JARID2: variants seen among roughly 807,000 people sequenced by gnomAD.
JARID2 encodes jumonji and AT-rich interaction domain containing 2, also known as protein Jumonji.
A neutral mutation model predicts 125.6 loss-of-function variants in JARID2; 21 were observed. That is an observed-to-expected ratio of 0.17 (90% CI 0.12 to 0.24). The LOEUF is 0.24. Among genes scored for constraint, JARID2 ranks in the 10% least tolerant of loss-of-function variants. JARID2 has a pLI of 1.00. For synonymous variants in JARID2, 736 were observed against 661.6 expected (o/e 1.11, Z -1.73); for missense variants, 1,303 against 1,639.6 (o/e 0.79, Z 3.55).
intron 1 of JARID2, among the ~76,000 whole-genome samples, chr6:15,271,264 TCA>T (rs1183856945): frequency 1.3e-5 from 2 of 152,156 alleles, no homozygotes; most frequent in African/African-American, 4.8e-5. Context: ...TGGGTTCTAA[TCA>T]CACAAGGATC....
intron 4 of JARID2, among the ~76,000 whole-genome samples, chr6:15,467,625 T>G (rs576585159): frequency 6.6e-6 from 1 of 152,042 alleles, no homozygotes; most frequent in East Asian, 1.9e-4. Context: ...GAGGATTGCT[T>G]GAGTCCAGAA....
At chr6:15,352,183 A>T (rs1171477647) in intron 1 of JARID2, among the ~76,000 whole-genome samples, 4 of 152,072 alleles carry the variant, frequency 2.6e-5, no homozygotes, top group African/African-American at 9.7e-5. Context: ...ATTTATTGAC[A>T]TATTATTCAT....
At chr6:15,464,128 T>A (rs530217954) in intron 4 of JARID2, among the ~76,000 whole-genome samples, 7 of 152,192 alleles carry the variant, frequency 4.6e-5, no homozygotes, top group Non-Finnish European at 8.8e-5. Flanking sequence ...TACTTTGGCA[T>A]GAAATAAGAG....
At chr6:15,351,078 A>T (rs1404711691) in intron 1 of JARID2, among the ~76,000 whole-genome samples, 1 of 152,158 alleles carries the variant, frequency 6.6e-6, no homozygotes, top group Non-Finnish European at 1.5e-5. Context: ...GTATGTAATA[A>T]AATACAAATT....
At chr6:15,283,488 G>GCC (rs1265763499) in intron 1 of JARID2, among the ~76,000 whole-genome samples, 2 of 134,036 alleles carry the variant, frequency 1.5e-5, no homozygotes, top group East Asian at 2.4e-4. Context: ...CTACAGGCAT[G>GCC]CACCAGCTAC....
At position 15,409,166 on chromosome 6, in the gene JARID2, CAACT is replaced by C. The variant is rs1561842856; in HGVS notation, c.182-1054_182-1051del. Among the ~76,000 whole-genome samples, 4 of 152,258 alleles carry C rather than the reference CAACT, an allele frequency of 2.6e-5. No homozygotes were observed. The Middle Eastern group carries it at 0.014, about 518-fold the overall frequency. On this transcript the variant is annotated intron_variant, in intron 2 of 17. Coordinates refer to ENST00000341776, the MANE Select transcript of JARID2 (RefSeq NM_004973.4). ...ACTGTGTTCTACATAGTGTTTAGTA[CAACT>C]AACAGAAGTCACTTTCTGAGATACT...
chr6:15,287,143 A>G (rs1221040057), intron 1 of JARID2, among the ~76,000 whole-genome samples: 1 of 130,824 alleles, frequency 7.6e-6, no homozygotes, highest in Non-Finnish European at 1.7e-5. Context: ...AAAAGAAAAC[A>G]CAAACAAACA....
At chr6:15,444,081 T>C (rs1213233669) in intron 3 of JARID2, among the ~76,000 whole-genome samples, 1 of 152,214 alleles carries the variant, frequency 6.6e-6, no homozygotes, top group Non-Finnish European at 1.5e-5. Context: ...TCAGTTTATG[T>C]GTAAAGCAAG....
rs1372993256 is a variant in JARID2 at position 15,444,110 on chromosome 6, C to T, written c.324-7896C>T. Among the ~76,000 whole-genome samples, 3 of 152,168 alleles carry T rather than the reference C, an allele frequency of 2.0e-5. No individual in the cohort carries two copies. The East Asian group carries it at 5.8e-4, about 29-fold the overall frequency. On this transcript the variant is annotated intron_variant, in intron 3 of 17. Coordinates refer to ENST00000341776, the MANE Select transcript of JARID2 (RefSeq NM_004973.4). ...AAGCAAGAAATGAGGCTGTGGACCA[C>T]TAGGGCTCCATCTCCAGAAGTACCA... is the stretch of plus-strand genomic sequence containing the variant.
intron 1 of JARID2, among the ~76,000 whole-genome samples, chr6:15,320,838 T>TTCTC (rs71535032): frequency 2.1e-5 from 3 of 144,514 alleles, no homozygotes; most frequent in African/African-American, 5.2e-5. Flanking sequence ...ATATGATTCA[T>TTCTC]TCTCTCTCTC....
intron 1 of JARID2, chr6:15,248,070 T>C (rs1447582337): frequency 2.0e-6 from 2 of 985,246 alleles, no homozygotes; most frequent in East Asian, 1.1e-4. Context: ...GTGGGTTTTC[T>C]TTCTTATTGC....
intron 2 of JARID2, among the ~76,000 whole-genome samples, chr6:15,404,456 C>T (rs1765565223): frequency 6.6e-6 from 1 of 151,664 alleles, no homozygotes; most frequent in Non-Finnish European, 1.5e-5. Context: ...TTCTGATGAC[C>T]TCAGAGAGGG....
At chr6:15,276,178 C>T (rs1391921357) in intron 1 of JARID2, among the ~76,000 whole-genome samples, 3 of 152,134 alleles carry the variant, frequency 2.0e-5, no homozygotes, top group African/African-American at 4.8e-5. Flanking sequence ...GACTAAAGTT[C>T]GACTTGATAA....
At chr6:15,404,450 G>C (rs1765565030) in intron 2 of JARID2, among the ~76,000 whole-genome samples, 1 of 151,260 alleles carries the variant, frequency 6.6e-6, no homozygotes, top group Non-Finnish European at 1.5e-5. Context: ...CATGCATTCT[G>C]ATGACCTCAG....
intron 2 of JARID2, among the ~76,000 whole-genome samples, chr6:15,377,290 G>A (rs968282796): frequency 2.6e-5 from 4 of 152,170 alleles, no homozygotes; most frequent in Admixed American, 2.6e-4. Flanking sequence ...TATGGCAGTG[G>A]CAAGAGAAAA....
At chr6:15,461,019 C>G (rs796424601) in intron 4 of JARID2, among the ~76,000 whole-genome samples, 7 of 152,282 alleles carry the variant, frequency 4.6e-5, no homozygotes, top group African/African-American at 1.2e-4. Context: ...TGTTCACTTT[C>G]TTACTGGTTT....
At position 15,520,295 on chromosome 6, in the gene JARID2, TTATTA is replaced by T. The variant is rs1771773650; in HGVS notation, c.*49_*53del. The T allele has an allele frequency of 2.8e-6, 4 of 1,439,810 alleles. No homozygotes were observed. Among genetic ancestry groups the T allele is most frequent in the East Asian group, 2.5e-5 (1 of 39,278 alleles). 89.2% of individuals were successfully genotyped at this position (1,439,810 alleles called of 1,614,324 possible). A position where few individuals can be genotyped will look rare whatever the true frequency, so the allele number is the denominator to read the frequency against. On this transcript the variant is annotated 3_prime_UTR_variant, in exon 18 of 18. Transcript: ENST00000341776. ...TCGATTTATATATATTTTTTTGTAA[TTATTA>T]TATTCTAGTTTGGAGTACTTGCTGT...
rs1337612217 is a variant in JARID2, at chr6:15,520,826, G to T, written c.*575G>T. 6 of 455,784 alleles carry T rather than the reference G, an allele frequency of 1.3e-5. No individual in the cohort carries two copies. Among genetic ancestry groups the T allele is most frequent in the Non-Finnish European group, 2.2e-5 (5 of 226,758 alleles). 28.2% of individuals were successfully genotyped at this position (455,784 alleles called of 1,614,324 possible). On this transcript the variant is annotated 3_prime_UTR_variant, in exon 18 of 18. Coordinates refer to ENST00000341776, the MANE Select transcript of JARID2 (RefSeq NM_004973.4). ...CTGGGCGGTTGTGGCAGCTGAAGGCGGACGTTGTTTCCTAACCATAGGTGG... is the reference window on the plus strand; with the variant it reads ...CTGGGCGGTTGTGGCAGCTGAAGGCTGACGTTGTTTCCTAACCATAGGTGG...
intron 7 of JARID2, among the ~76,000 whole-genome samples, chr6:15,497,655 A>AAG (rs906367175): frequency 3.3e-5 from 5 of 151,378 alleles, no homozygotes; most frequent in African/African-American, 1.2e-4. Context: ...CGTCTCAAAA[A>AAG]AAAAAAAAAA....
Sources: allele counts gnomAD v4.1 joint callset (sites outside exome capture counted in the v4.1 genomes callset), GRCh38; gene constraint gnomAD v4.1.1; transcripts MANE v1.5; gene names NCBI Gene and HGNC (gene_info 2026-07-23, HGNC 2026-07-21).